SON: variants seen among roughly 807,000 people sequenced by gnomAD.
SON encodes the protein protein SON.
Under a neutral mutation model 173.3 loss-of-function variants are expected in SON, and 4 were observed. The observed-to-expected ratio is 0.02, with a 90% CI of 0.01 to 0.05. The LOEUF is 0.05. Among genes scored for constraint, SON ranks in the 10% least tolerant of loss-of-function variants. The pLI, the probability that SON is intolerant of heterozygous loss-of-function variation, is 1.00. For synonymous variants in SON, 1,190 were observed against 1,105.9 expected (o/e 1.08, Z -1.51); for missense variants, 2,626 against 3,055.3 (o/e 0.86, Z 3.31).
intron 6 of SON, among the ~76,000 whole-genome samples, chr21:33,563,391 G>C (rs1290569216): frequency 2.7e-5 from 4 of 148,372 alleles, no homozygotes; most frequent in Admixed American, 1.4e-4. Context: ...GCTCTTGTAT[G>C]CATTAACCTC....
At chr21:33,549,378 TA>T in intron 2 of SON, 97 bp from the exon 3 acceptor site, 2 of 1,039,728 alleles carry the variant, frequency 1.9e-6, no homozygotes, top group Non-Finnish European at 2.7e-6. Flanking sequence ...TGGCCTGTAC[TA>T]AGGTGTTTTA....
chr21:33,554,965 A>G lies in SON; in HGVS notation c.5734A>G (p.Arg1912Gly). 1 of 1,613,964 alleles carries G rather than the reference A, an allele frequency of 6.2e-7. No individual in the cohort carries two copies. Among genetic ancestry groups the G allele is most frequent in the Non-Finnish European group, 8.5e-7 (1 of 1,180,034 alleles). ...AAGAAAAAGAAAAAGATCAAGCTCC[A>G]GGGATAACCGAAAGACAGTTAGAGC... ...RERKRKRSSS[R>G]DNRKTVRARS... Residue 1912 changes from arginine (R) to glycine (G), a missense_variant, in exon 3 of 12, where the codon AGG (arginine) becomes GGG (glycine). This residue lies in a region of SON where 1,006 missense variants were observed against 895.6 expected (regional missense o/e 1.12). Transcript: ENST00000356577.
At chr21:33,561,918 T>A (rs1417760274) in intron 6 of SON, among the ~76,000 whole-genome samples, 1 of 152,214 alleles carries the variant, frequency 6.6e-6, no homozygotes, top group African/African-American at 2.4e-5. Context: ...ATAAAGCAGA[T>A]GATGTCTCTT....
In SON at chr21:33,550,888, G is replaced by A; in HGVS notation, c.1657G>A (p.Val553Met). 3 of 1,611,408 alleles carry A rather than the reference G, an allele frequency of 1.9e-6. No individual in the cohort carries two copies. Among genetic ancestry groups the A allele is most frequent in the Non-Finnish European group, 2.5e-6 (3 of 1,177,942 alleles). The change falls in exon 3 of 12, where the codon GTG becomes ATG. Residue 553 changes from valine (V) to methionine (M), a missense_variant. Transcript: ENST00000356577. ...TMVLELPGQP[V>M]ATTALELPGQ... The stretch of plus-strand genomic sequence containing the variant: ...GGTGCTGGAGTTGCCAGGACAGCCA[G>A]TGGCAACGACAGCGCTGGAGTTGCC...
In SON at chr21:33,553,210, A is replaced by T. The variant is rs1020856245; in HGVS notation, c.3979A>T (p.Thr1327Ser). 4 of 1,614,168 alleles carry T rather than the reference A, an allele frequency of 2.5e-6. No individual in the cohort carries two copies. The highest frequency in any genetic ancestry group is 3.4e-6 in the Non-Finnish European group (4 of 1,180,032). The change falls in exon 3 of 12, where the codon ACA becomes TCA. Residue 1327 changes from threonine to serine, a missense_variant. By Grantham distance (58) the Thr-to-Ser change is moderately conservative (BLOSUM62 1). Transcript: ENST00000356577. Reference protein sequence around the residue: ...ASGHVASEVSTSLLVPAVTTP... With the variant: ...ASGHVASEVSSSLLVPAVTTP... ...AGGACATGTTGCCTCAGAAGTATCT[A>T]CATCCTTGTTGGTTCCAGCAGTAAC... is the stretch of plus-strand genomic sequence containing the variant.
Position 33,564,672 on chromosome 21 carries a change from C to T in SON, c.6658-2485C>T, listed in dbSNP as rs181060130. Among the ~76,000 whole-genome samples, 500 of 152,176 alleles carry T rather than the reference C, an allele frequency of 3.3e-3. 6 individuals are homozygous for T. The highest frequency in any genetic ancestry group is 4.7e-3 in the Non-Finnish European group (319 of 68,008). ...GGTCAGGAGTTCAAGACCAGCCTGA[C>T]CAACATGGAGAAACCGCGTCTCTCC... is the stretch of plus-strand genomic sequence containing the variant. On this transcript the variant is annotated intron_variant, in intron 6 of 11. Transcript: ENST00000356577.
intron 7 of SON, among the ~76,000 whole-genome samples, chr21:33,568,479 A>T (rs989359911): frequency 3.3e-5 from 5 of 152,220 alleles, no homozygotes; most frequent in Non-Finnish European, 7.3e-5. Context: ...CTGGGCAACA[A>T]GAGAGAAACT....
rs575857753 is a variant in SON at position 33,573,243 on chromosome 21, CAATG to C, written c.6886-61_6886-58del. 8,559 of 1,329,958 alleles carry C rather than the reference CAATG, an allele frequency of 6.4e-3. 88 individuals are homozygous for C. The highest frequency in any genetic ancestry group is 0.021 in the South Asian group (1,603 of 78,152). 82.4% of individuals were successfully genotyped at this position (1,329,958 alleles called of 1,614,324 possible). ...AAGATTCCTCTTTTTAGAAAGTAAACAATGAATCTGTCACCAAGTTCTAACTGTA... is the reference window on the plus strand; with the variant it reads ...AAGATTCCTCTTTTTAGAAAGTAAACAATCTGTCACCAAGTTCTAACTGTA... On this transcript the variant is annotated intron_variant, in intron 8 of 11. Transcript: ENST00000356577.
chr21:33,550,596 G>T lies in SON; in HGVS notation c.1365G>T (p.Gly455=). The stretch of plus-strand genomic sequence containing the variant: ...CACAGTTGTCGCAGGAATTGCCAGG[G>T]CTTCCAGCACCATCCATGGGGTTGG... ...PVPQLSQELP[G]LPAPSMGLEP... is the part of the protein sequence containing the mutation. The change falls in exon 3 of 12, where the codon GGG becomes GGT. Residue 455 remains glycine, a synonymous_variant. Transcript: ENST00000356577. 1.2e-6 allele frequency: 2 copies of T among 1,613,912 alleles called. No individual in the cohort carries two copies. Among genetic ancestry groups the T allele is most frequent in the South Asian group, 2.2e-5 (2 of 91,078 alleles).
rs1398747208 is a variant in SON, at chr21:33,554,633, A to C, written c.5402A>C (p.Glu1801Ala). 1.2e-6 allele frequency: 2 copies of C among 1,613,248 alleles called. No homozygotes were observed. The highest frequency in any genetic ancestry group is 2.2e-5 in the South Asian group (2 of 90,820). The change falls in exon 3 of 12, where the codon GAA becomes GCA. Residue 1801 changes from glutamate to alanine, a missense_variant. This residue lies in a region of SON where 1,006 missense variants were observed against 895.6 expected (regional missense o/e 1.12). Coordinates refer to ENST00000356577, the MANE Select transcript of SON (RefSeq NM_138927.4). ...TTTGTAAAAGTTAAGGACACTCACG[A>C]AAAAAGCAAGAAAAATAAGAACCGT... The part of the protein sequence containing the change: ...EIFVKVKDTH[E>A]KSKKNKNRDK...
rs149705588 is a variant in SON at position 33,549,729 on chromosome 21, G to A, written c.498G>A (p.Ala166=). 73 of 1,613,916 alleles carry A rather than the reference G, an allele frequency of 4.5e-5. No homozygotes were observed. The African/African-American group carries it at 6.0e-4, about 13-fold the overall frequency. ...TTGATTCTGAACCTTCAGCTGTGGCGCTGGAGCTTCCTACAAGAGCATTTG... is the reference window on the plus strand; with the variant it reads ...TTGATTCTGAACCTTCAGCTGTGGCACTGGAGCTTCCTACAAGAGCATTTG... ...LKFDSEPSAV[A]LELPTRAFGP... The change falls in exon 3 of 12, where the codon GCG becomes GCA. Residue 166 remains alanine (A), a synonymous_variant. Coordinates refer to ENST00000356577, the MANE Select transcript of SON (RefSeq NM_138927.4).
Position 33,576,702 on chromosome 21 carries a change from G to C in SON, c.*278G>C, listed in dbSNP as rs1219624721. 3 of 526,644 alleles carry C rather than the reference G, an allele frequency of 5.7e-6. No individual in the cohort carries two copies. The highest frequency in any genetic ancestry group is 1.0e-5 in the Non-Finnish European group (3 of 287,880). The allele number at this position is 526,644 out of a possible 1,614,324, so 32.6% of individuals were successfully genotyped here. A position where few individuals can be genotyped will look rare whatever the true frequency, so the allele number is the denominator to read the frequency against. On this transcript the variant is annotated 3_prime_UTR_variant, in exon 12 of 12. Transcript: ENST00000356577. ...AAGCAATCTGTAAAAACATCTCCAG[G>C]CTTTGATTTTTGTACCATGGAAATT... is the stretch of plus-strand genomic sequence containing the variant.
At chr21:33,567,419 A>G in intron 7 of SON, 152 bp downstream of exon 7, 1 of 610,500 alleles carries the variant, frequency 1.6e-6, no homozygotes, top group Non-Finnish European at 3.0e-6. Flanking sequence ...TTTAAATGAA[A>G]GTGATTCGAG....
Position 33,549,600 on chromosome 21 carries a change from A to C in SON, c.369A>C (p.Lys123Asn), listed in dbSNP as rs755052375. 9.4e-6 allele frequency: 15 copies of C among 1,592,122 alleles called. No individual in the cohort carries two copies. In the East Asian group the frequency reaches 3.3e-4, roughly 36 times the overall value. Residue 123 changes from lysine (K) to asparagine (N), a missense_variant, in exon 3 of 12, where the codon AAA becomes AAC. Around this residue, in one of 13 missense-constraint regions of SON, gnomAD observed 757 missense variants for 730.1 expected, o/e 1.04. Coordinates refer to ENST00000356577, the MANE Select transcript of SON (RefSeq NM_138927.4). ...AAAACAAAAAGAAGAAAAAGAAGAAAGAAAAGGAAAAAAAATATAAAAGAC... is the reference window on the plus strand; with the variant it reads ...AAAACAAAAAGAAGAAAAAGAAGAACGAAAAGGAAAAAAAATATAAAAGAC... ...KHKNKKKKKK[K>N]EKEKKYKRQP...
intron 9 of SON, among the ~76,000 whole-genome samples, chr21:33,574,197 C>T (rs1392174747): frequency 6.6e-6 from 1 of 152,164 alleles, no homozygotes; most frequent in Non-Finnish European, 1.5e-5. Context: ...CTTGCCAGCT[C>T]AGTATGATTT....
At position 33,560,243 on chromosome 21, in the gene SON, C is replaced by T. The variant is rs2086045944; in HGVS notation, c.6657+468C>T. On this transcript the variant is annotated intron_variant, in intron 6 of 11. Transcript: ENST00000356577. ...TGATGTGAGCATCTTGGGTACATAG[C>T]CCATTGCCCTTAATGATGGTTTCTT... 7.4e-6 allele frequency: 11 copies of T among 1,492,514 alleles called. No homozygotes were observed. In the Admixed American group the frequency reaches 2.7e-4, roughly 37 times the overall value. The allele number at this position is 1,492,514 out of a possible 1,614,324, so 92.5% of individuals were successfully genotyped here.
Position 33,570,930 on chromosome 21 carries a change from T to C in SON, c.6885+1843T>C, listed in dbSNP as rs1015361515. 2.0e-5 allele frequency among the ~76,000 whole-genome samples: 3 copies of C among 152,238 alleles called. No homozygotes were observed. In the South Asian group the frequency reaches 6.2e-4, roughly 32 times the overall value. ...AATAACTTAAATAACTTTTAAAAAG[T>C]GAATCTTTTACTGACTCAATTGGTT... On this transcript the variant is annotated intron_variant, in intron 8 of 11. Coordinates refer to ENST00000356577, the MANE Select transcript of SON (RefSeq NM_138927.4).
At position 33,551,221 on chromosome 21, in the gene SON, C is replaced by G. The variant is rs140503022; in HGVS notation, c.1990C>G (p.Leu664Val). 4 of 1,614,094 alleles carry G rather than the reference C, an allele frequency of 2.5e-6. No homozygotes were observed. The South Asian group carries it at 4.4e-5, about 18-fold the overall frequency. ...TCAGTCTGTGGTGACAACATCGGAG[C>G]TGTCAACGATGACCGTGTCGCAGTC... ...SVQSVVTTSE[L>V]STMTVSQSLE... Residue 664 changes from leucine to valine, a missense_variant, in exon 3 of 12, where the codon CTG becomes GTG. Transcript: ENST00000356577.
chr21:33,562,190 G>A (rs2086082139), intron 6 of SON, among the ~76,000 whole-genome samples: 1 of 152,088 alleles, frequency 6.6e-6, no homozygotes. Context: ...TATATAGAAG[G>A]TAAAAGTAAT....
Sources: allele counts gnomAD v4.1 joint callset (sites outside exome capture counted in the v4.1 genomes callset), GRCh38; gene constraint gnomAD v4.1.1; regional missense constraint gnomAD v4.1.1; transcripts MANE v1.5; gene names NCBI Gene and HGNC (gene_info 2026-07-23, HGNC 2026-07-21).